MAGI2: variants seen among roughly 807,000 people sequenced by gnomAD.
MAGI2 encodes membrane associated guanylate kinase, WW and PDZ domain containing 2, also known as membrane-associated guanylate kinase, WW and PDZ domain-containing protein 2.
MAGI2 carries 35 observed loss-of-function variants against 133.3 expected under a neutral mutation model. The observed-to-expected ratio is 0.26, with a 90% confidence interval of 0.20 to 0.35. The LOEUF (loss-of-function observed/expected upper bound fraction) is 0.35. MAGI2 is among the 10% of genes least tolerant of loss of function. MAGI2 has a pLI of 1.00. For missense variants in MAGI2, 1,636 were observed against 1,863.4 expected, an observed-to-expected ratio of 0.88 and a Z score of 2.25; for synonymous variants, 729 against 710.6, an observed-to-expected ratio of 1.03 and a Z score of -0.41.
intron 1 of MAGI2, among the ~76,000 whole-genome samples, chr7:79,102,685 G>A (rs373604923): frequency 1.3e-5 from 2 of 152,278 alleles, no homozygotes; most frequent in South Asian, 4.1e-4. Flanking sequence ...TCATTTGTAA[G>A]TAGGGTGGAA....
intron 2 of MAGI2, among the ~76,000 whole-genome samples, chr7:78,675,667 C>G (rs535555927): frequency 1.3e-5 from 2 of 152,184 alleles, no homozygotes; most frequent in African/African-American, 4.8e-5. Context: ...GTTGCCGCCA[C>G]ACAGATGAGG....
At chr7:79,189,044 T>A (rs1827417737) in intron 1 of MAGI2, among the ~76,000 whole-genome samples, 1 of 151,936 alleles carries the variant, frequency 6.6e-6, no homozygotes, top group South Asian at 2.1e-4. Context: ...TTTTAAATTT[T>A]GTTGTTGTTT....
intron 10 of MAGI2, among the ~76,000 whole-genome samples, chr7:78,216,198 A>T (rs865858810): frequency 6.6e-6 from 1 of 152,254 alleles, no homozygotes; most frequent in Non-Finnish European, 1.5e-5. Context: ...AACCTGTGCC[A>T]TAGCAATTCA....
intron 2 of MAGI2, among the ~76,000 whole-genome samples, chr7:78,901,711 C>A (rs2151593629): frequency 6.6e-6 from 1 of 151,772 alleles, no homozygotes; most frequent in African/African-American, 2.4e-5. Context: ...ATTCACCGTA[C>A]AGGAAATTAA....
chr7:78,892,369 G>GA (rs1469346604), intron 2 of MAGI2, among the ~76,000 whole-genome samples: 1 of 152,050 alleles, frequency 6.6e-6, no homozygotes, highest in Non-Finnish European at 1.5e-5. Flanking sequence ...CACAGAATTG[G>GA]AAAAAACTAC....
At chr7:78,694,835 T>C (rs758929717) in intron 2 of MAGI2, among the ~76,000 whole-genome samples, 2 of 152,212 alleles carry the variant, frequency 1.3e-5, no homozygotes, top group Non-Finnish European at 2.9e-5. Context: ...TTTAATACAG[T>C]TCCTGGAACA....
At chr7:78,020,343 C>A (rs778735787) in intron 21 of MAGI2, among the ~76,000 whole-genome samples, 11 of 152,256 alleles carry the variant, frequency 7.2e-5, no homozygotes, top group Non-Finnish European at 1.5e-4. Context: ...GTCTCCAACT[C>A]GAGTAGACCT....
chr7:79,241,816 G>T (rs897629480), intron 1 of MAGI2, among the ~76,000 whole-genome samples: 3 of 152,104 alleles, frequency 2.0e-5, no homozygotes, highest in East Asian at 1.9e-4. Context: ...TCAAACCTTT[G>T]CATTCTAGTG....
At chr7:79,378,946 A>AT (rs1458152856) in intron 1 of MAGI2, among the ~76,000 whole-genome samples, 2 of 58,032 alleles carry the variant, frequency 3.4e-5, no homozygotes, top group Non-Finnish European at 6.5e-5. Context: ...ATATATATAT[A>AT]TATATATATA....
chr7:78,991,460 A>C (rs1351336744), intron 2 of MAGI2, among the ~76,000 whole-genome samples: 2 of 151,928 alleles, frequency 1.3e-5, no homozygotes. Context: ...ATACATTATA[A>C]CATATATATC....
At chr7:79,156,908 T>C (rs763981283) in intron 1 of MAGI2, among the ~76,000 whole-genome samples, 10 of 152,102 alleles carry the variant, frequency 6.6e-5, no homozygotes, top group Non-Finnish European at 7.4e-5. Flanking sequence ...AGAGCTAAGG[T>C]ACCAGCAGGG....
chr7:78,536,736 G>GTT (rs1027981881), intron 3 of MAGI2, among the ~76,000 whole-genome samples: 4 of 138,326 alleles, frequency 2.9e-5, no homozygotes, highest in East Asian at 2.2e-4. Flanking sequence ...AATTTCAATA[G>GTT]TTTTTTTTTT....
At chr7:78,256,636 A>G in intron 9 of MAGI2, 55 bp from the exon 10 acceptor site, 1 of 1,417,700 alleles carries the variant, frequency 7.1e-7, no homozygotes, top group Non-Finnish European at 9.8e-7. Flanking sequence ...ACATTGACAT[A>G]GAGAAATGGA....
chr7:78,369,127 A>G (rs1793676112), intron 7 of MAGI2, 29 bp downstream of exon 7: 2 of 1,479,390 alleles, frequency 1.4e-6, no homozygotes, highest in African/African-American at 1.4e-5. Context: ...CATATTAATA[A>G]CAAGTTAATA....
chr7:78,108,400 C>T (rs1818909464), intron 20 of MAGI2, among the ~76,000 whole-genome samples: 2 of 152,128 alleles, frequency 1.3e-5, no homozygotes, highest in Non-Finnish European at 2.9e-5. Flanking sequence ...AACATATGGT[C>T]TATTCTTGAA....
intron 1 of MAGI2, among the ~76,000 whole-genome samples, chr7:79,048,083 A>C (rs1285830905): frequency 2.0e-5 from 3 of 152,198 alleles, no homozygotes; most frequent in Non-Finnish European, 4.4e-5. Flanking sequence ...AGGGTAGAAT[A>C]CATGTGGCAC....
intron 1 of MAGI2, among the ~76,000 whole-genome samples, chr7:79,142,616 T>C (rs1822245312): frequency 6.6e-6 from 1 of 152,188 alleles, no homozygotes; most frequent in Non-Finnish European, 1.5e-5. Flanking sequence ...ATTGTAATGA[T>C]GATGTCAACA....
chr7:79,094,840 ACAGGTGTGTTGTCATC>A (rs1817381043), intron 1 of MAGI2, among the ~76,000 whole-genome samples: 1 of 152,210 alleles, frequency 6.6e-6, no homozygotes, highest in African/African-American at 2.4e-5. Context: ...CATGTTGTAA[ACAGGTGTGTTGTCATC>A]TAGGCTTTGT....
At chr7:79,327,679 TCACACACACA>T (rs144532989) in intron 1 of MAGI2, among the ~76,000 whole-genome samples, 22 of 151,436 alleles carry the variant, frequency 1.5e-4, no homozygotes, top group South Asian at 6.2e-4. Flanking sequence ...TCTCTCTATT[TCACACACACA>T]CACACTCACT....
Sources: gnomAD v4.1 joint callset for allele counts (sites outside exome capture counted in the v4.1 genomes callset) on GRCh38, gnomAD v4.1.1 for gene constraint, MANE v1.5 for transcripts, NCBI Gene and HGNC (gene_info 2026-07-23, HGNC 2026-07-21) for gene names.